Variants in GIGYF2 observed in about 807,000 individuals in gnomAD.
The protein encoded by GIGYF2 is GRB10 interacting GYF protein 2, also known as GRB10-interacting GYF protein 2.
A neutral mutation model predicts 208.1 loss-of-function variants in GIGYF2; 25 were observed. The ratio of observed to expected loss-of-function variants is 0.12; its 90% CI spans 0.09 to 0.17. The LOEUF is 0.17. GIGYF2 is among the 10% of genes least tolerant of loss of function. GIGYF2 has a pLI of 1.00. For missense variants in GIGYF2, 1,302 were observed against 1,579.4 expected (o/e 0.82, Z 2.98); for synonymous variants, 534 against 543.8 (o/e 0.98, Z 0.25).
At position 232,859,145 on chromosome 2, in the gene GIGYF2, C is replaced by G. The variant is rs1690682788; in HGVS notation, c.*2285C>G. The G allele has an allele frequency of 6.6e-6, 1 of 152,266 alleles. No individual in the cohort carries two copies. The highest frequency in any genetic ancestry group is 1.5e-5 in the Non-Finnish European group (1 of 68,094). The allele number at this position is 152,266 out of a possible 1,614,324, so 9.4% of individuals were successfully genotyped here. ...TGGGAATGTTTGTTTCTGTCTCTCT[C>G]AATGCTACTCTCTTTCATATTCTCA... On this transcript the variant is annotated 3_prime_UTR_variant, in exon 29 of 29. Transcript: ENST00000373563.
chr2:232,739,631 T>C (rs916508791), intron 3 of GIGYF2, among the ~76,000 whole-genome samples: 3 of 151,858 alleles, frequency 2.0e-5, no homozygotes, highest in African/African-American at 7.3e-5. Context: ...ATGACTGCGC[T>C]GCTGCACTCC....
At position 232,836,289 on chromosome 2, in the gene GIGYF2, T is replaced by A. The variant is rs544183578; in HGVS notation, c.2766+3196T>A. 4.2e-4 allele frequency among the ~76,000 whole-genome samples: 3 copies of A among 7,126 alleles called. 1 individual carries two copies. The highest frequency in any genetic ancestry group is 8.0e-4 in the Non-Finnish European group (2 of 2,510). The allele number at this position is 7,126 out of a possible 152,430, so 4.7% of individuals were successfully genotyped here. On this transcript the variant is annotated intron_variant, in intron 22 of 28. Transcript: ENST00000373563. ...ATATATATATATATATATATATATATATATATATATATATATATATATATA... is the reference window on the plus strand; with the variant it reads ...ATATATATATATATATATATATATAAATATATATATATATATATATATATA...
At chr2:232,735,084 C>T (rs1697678372) in intron 2 of GIGYF2, 71 bp from the exon 3 acceptor site, 1 of 748,512 alleles carries the variant, frequency 1.3e-6, no homozygotes, top group East Asian at 2.7e-5. Flanking sequence ...CACTCTCTAA[C>T]TGTACTTTCT....
chr2:232,723,030 C>T (rs913813861), intron 2 of GIGYF2, among the ~76,000 whole-genome samples: 11 of 152,016 alleles, frequency 7.2e-5, no homozygotes, highest in African/African-American at 2.7e-4. Context: ...CTGTGTTTCC[C>T]AGCCTGGTCT....
At chr2:232,832,191 G>A (rs1006949795) in intron 21 of GIGYF2, among the ~76,000 whole-genome samples, 4 of 152,214 alleles carry the variant, frequency 2.6e-5, no homozygotes, top group Non-Finnish European at 5.9e-5. Context: ...ATGAAGTAGA[G>A]GAATATGATA....
At chr2:232,829,061 T>C (rs1367012749) in intron 21 of GIGYF2, among the ~76,000 whole-genome samples, 14 of 152,190 alleles carry the variant, frequency 9.2e-5, no homozygotes. Context: ...GATGCTAAAA[T>C]TTTTTCAAAA....
chr2:232,724,428 C>G (rs917904692), intron 2 of GIGYF2: 1 of 152,178 alleles, frequency 6.6e-6, no homozygotes, highest in Non-Finnish European at 1.5e-5. Flanking sequence ...TCATGCCTCA[C>G]TCCATTGAAA....
chr2:232,823,980 C>T (rs913936857), intron 21 of GIGYF2, among the ~76,000 whole-genome samples: 2 of 152,100 alleles, frequency 1.3e-5, no homozygotes, highest in African/African-American at 4.8e-5. Flanking sequence ...ATATCTGTTA[C>T]GGTGATCTGT....
At chr2:232,757,810 ATGAT>A (rs1432017125) in intron 6 of GIGYF2, among the ~76,000 whole-genome samples, 1 of 136,492 alleles carries the variant, frequency 7.3e-6, no homozygotes, top group African/African-American at 2.6e-5. Context: ...AAACAAGTGA[ATGAT>A]TGAATTTCTC....
At chr2:232,762,239 T>TTTTTTTTTTG (rs1559410912) in intron 8 of GIGYF2, among the ~76,000 whole-genome samples, 2 of 82,998 alleles carry the variant, frequency 2.4e-5, no homozygotes, top group Non-Finnish European at 5.2e-5. Flanking sequence ...TTTTTTTTTG[T>TTTTTTTTTTG]TTTTTTTTTT....
chr2:232,777,275 A>T (rs1699553441), intron 8 of GIGYF2, among the ~76,000 whole-genome samples: 1 of 152,214 alleles, frequency 6.6e-6, no homozygotes, highest in African/African-American at 2.4e-5. Context: ...GATCAGTGTG[A>T]TGAAGTATAG....
intron 22 of GIGYF2, among the ~76,000 whole-genome samples, chr2:232,836,427 G>A (rs866752764): frequency 3.2e-4 from 23 of 72,280 alleles, no homozygotes; most frequent in Middle Eastern, 6.3e-3. Context: ...TTATTCAGGC[G>A]TGGTGATGTG....
chr2:232,699,554 T>C (rs1321697228), intron 1 of GIGYF2, among the ~76,000 whole-genome samples: 1 of 152,246 alleles, frequency 6.6e-6, no homozygotes, highest in African/African-American at 2.4e-5. Flanking sequence ...CAGGAAATTA[T>C]AATGAATTAT....
At position 232,794,866 on chromosome 2, in the gene GIGYF2, A is replaced by G. The variant is rs1429526405; in HGVS notation, c.1401A>G (p.Thr467=). The change falls in exon 13 of 29, where the codon ACA becomes ACG. Residue 467 remains threonine (T), a synonymous_variant. Coordinates refer to ENST00000373563, the MANE Select transcript of GIGYF2 (RefSeq NM_001103146.3). Reference sequence around the variant, plus strand: ...GTCCTACTCTCCGGCCAGTTGAAACACCAGTTGTAGGTGCTCCTGGTATGG... The same window carrying G: ...GTCCTACTCTCCGGCCAGTTGAAACGCCAGTTGTAGGTGCTCCTGGTATGG... ...NPSPTLRPVE[T]PVVGAPGMGS... 6.2e-7 allele frequency: 1 copy of G among 1,613,960 alleles called. No homozygotes were observed.
intron 2 of GIGYF2, among the ~76,000 whole-genome samples, chr2:232,711,062 G>A (rs1696372150): frequency 6.6e-6 from 1 of 151,072 alleles, no homozygotes; most frequent in Admixed American, 6.6e-5. Flanking sequence ...TCTAGGGTAT[G>A]TATGTATGTT....
intron 2 of GIGYF2, among the ~76,000 whole-genome samples, chr2:232,726,141 G>A (rs749494320): frequency 2.0e-5 from 3 of 152,268 alleles, no homozygotes; most frequent in African/African-American, 4.8e-5. Context: ...AAGCCAAGGC[G>A]GGTGGATCAC....
chr2:232,767,565 T>A (rs968622444), intron 8 of GIGYF2: 1 of 153,848 alleles, frequency 6.5e-6, no homozygotes, highest in Non-Finnish European at 1.4e-5. Context: ...CATATATGTA[T>A]GTGTTCGGGT....
chr2:232,810,834 T>C (rs921308910), intron 16 of GIGYF2: 10 of 199,156 alleles, frequency 5.0e-5, no homozygotes, highest in Non-Finnish European at 5.2e-5. Context: ...TTTATAGAAG[T>C]GTTACATTTT....
At chr2:232,716,144 C>T (rs149753195) in intron 2 of GIGYF2, among the ~76,000 whole-genome samples, 1 of 151,976 alleles carries the variant, frequency 6.6e-6, no homozygotes, top group Non-Finnish European at 1.5e-5. Context: ...GCCACTTTTA[C>T]AAGATTGCTT....
Sources: gnomAD v4.1 joint callset for allele counts (sites outside exome capture counted in the v4.1 genomes callset) on GRCh38, gnomAD v4.1.1 for gene constraint, MANE v1.5 for transcripts, NCBI Gene and HGNC (gene_info 2026-07-23, HGNC 2026-07-21) for gene names.